The following CAMK4 variants were observed in gnomAD, a reference collection of about 807,000 sequenced individuals.
CAMK4 encodes calcium/calmodulin-dependent protein kinase type IV.
Under a neutral mutation model 44.9 loss-of-function variants are expected in CAMK4, and 22 were observed. That is an observed-to-expected ratio of 0.49 (90% confidence interval 0.35 to 0.70). The LOEUF (loss-of-function observed/expected upper bound fraction) is 0.70. Ranked by LOEUF, CAMK4 falls within the 30% of genes least tolerant of loss-of-function variation. CAMK4 has a pLI of 0.01. For synonymous variants in CAMK4, 218 were observed against 215.4 expected (o/e 1.01, Z -0.11); for missense variants, 498 against 586.8 (o/e 0.85, Z 1.56).
At chr5:111,227,090 C>T (rs569134641) in intron 1 of CAMK4, among the ~76,000 whole-genome samples, 1 of 152,218 alleles carries the variant, frequency 6.6e-6, no homozygotes, top group East Asian at 1.9e-4. Flanking sequence ...TGGCAGCATT[C>T]GTGGGGTGCA....
chr5:111,355,513 T>TA (rs70973604), intron 2 of CAMK4, among the ~76,000 whole-genome samples: 5 of 151,580 alleles, frequency 3.3e-5, no homozygotes, highest in African/African-American at 4.8e-5. Context: ...TTTATTTATT[T>TA]TATTATACTT....
At position 111,484,489 on chromosome 5, in the gene CAMK4, G is replaced by A. The variant is rs1289972120; in HGVS notation, c.*23G>A. On this transcript the variant is annotated 3_prime_UTR_variant, in exon 11 of 11. Coordinates refer to ENST00000282356, the MANE Select transcript of CAMK4 (RefSeq NM_001744.6). This position sits in a 1 kb window ranked among gnomAD's most constrained non-coding sequence, Gnocchi z 5.3. ...TAAACAGCTTCCTTCAGATCTGGAA[G>A]CCAAACACCGGCATTTTATGTACTT... 1 of 1,441,814 alleles carries A rather than the reference G, an allele frequency of 6.9e-7. No individual in the cohort carries two copies. The allele number at this position is 1,441,814 out of a possible 1,614,324, so 89.3% of individuals were successfully genotyped here.
chr5:111,339,130 C>T (rs1440982255), intron 1 of CAMK4, among the ~76,000 whole-genome samples: 1 of 151,164 alleles, frequency 6.6e-6, no homozygotes, highest in Non-Finnish European at 1.5e-5. Flanking sequence ...CATATTAACC[C>T]CTTATCAGAT....
In CAMK4 at chr5:111,296,914, T is replaced by A. The variant is rs1359330257; in HGVS notation, c.162-47110T>A. ...ATTTTAGACACAAATATGGCATGAATCAAGAAAATGGTTTTATGCACCGAA... is the reference window on the plus strand; with the variant it reads ...ATTTTAGACACAAATATGGCATGAAACAAGAAAATGGTTTTATGCACCGAA... On this transcript the variant is annotated intron_variant, in intron 1 of 10. Transcript: ENST00000282356. Among the ~76,000 whole-genome samples, 3 of 152,308 alleles carry A rather than the reference T, an allele frequency of 2.0e-5. No individual in the cohort carries two copies. In the East Asian group the frequency reaches 5.8e-4, roughly 29 times the overall value.
At chr5:111,236,045 ACT>A (rs1748701338) in intron 1 of CAMK4, among the ~76,000 whole-genome samples, 1 of 152,182 alleles carries the variant, frequency 6.6e-6, no homozygotes, top group Admixed American at 6.5e-5. Flanking sequence ...CCCGCACCTC[ACT>A]CAGCTTCATT....
At chr5:111,295,623 TG>T (rs1436791775) in intron 1 of CAMK4, among the ~76,000 whole-genome samples, 1 of 152,230 alleles carries the variant, frequency 6.6e-6, no homozygotes, top group African/African-American at 2.4e-5. Flanking sequence ...TTATGGCTCA[TG>T]GAACACATAA....
At chr5:111,457,226 A>G (rs1470632625) in intron 7 of CAMK4, among the ~76,000 whole-genome samples, 1 of 152,212 alleles carries the variant, frequency 6.6e-6, no homozygotes, top group East Asian at 1.9e-4. Context: ...AGAGTACTTT[A>G]TTAAAAATAA....
chr5:111,238,999 C>T (rs1382835267), intron 1 of CAMK4, among the ~76,000 whole-genome samples: 2 of 151,492 alleles, frequency 1.3e-5, no homozygotes, highest in Non-Finnish European at 1.5e-5. Flanking sequence ...TCAATGCCTG[C>T]CAGCTCCTGG....
chr5:111,409,952 C>T (rs1017541126), intron 5 of CAMK4, among the ~76,000 whole-genome samples: 4 of 152,130 alleles, frequency 2.6e-5, no homozygotes, highest in African/African-American at 9.7e-5. Context: ...CCAAACTTTC[C>T]CACATCTTCC....
intron 5 of CAMK4, among the ~76,000 whole-genome samples, chr5:111,401,099 G>A (rs1372357713): frequency 6.6e-6 from 1 of 152,092 alleles, no homozygotes; most frequent in African/African-American, 2.4e-5. Context: ...AGAGAAATTT[G>A]TACATATCGA....
chr5:111,473,332 G>C lies in CAMK4; in HGVS notation c.647G>C (p.Cys216Ser). 6.2e-7 allele frequency: 1 copy of C among 1,612,370 alleles called. No homozygotes were observed. ...GCAGCACCTGAAATTCTTAGAGGTT[G>C]TGCCTATGGACCTGAGGTGGACATG... The part of the protein sequence containing the change: ...GYCAPEILRG[C>S]AYGPEVDMWS... The change falls in exon 8 of 11, where the codon TGT becomes TCT. Residue 216 changes from cysteine (C) to serine (S), a missense_variant. By Grantham distance (112) the Cys-to-Ser change is moderately radical. Around this residue, in one of 3 missense-constraint regions of CAMK4, gnomAD observed 203 missense variants for 298.2 expected, o/e 0.68. Coordinates refer to ENST00000282356, the MANE Select transcript of CAMK4 (RefSeq NM_001744.6).
intron 5 of CAMK4, among the ~76,000 whole-genome samples, chr5:111,444,344 T>C (rs920333332): frequency 1.3e-5 from 2 of 152,176 alleles, no homozygotes; most frequent in Non-Finnish European, 2.9e-5. Context: ...GTATAAGGTA[T>C]TTAAAATAGA....
At chr5:111,443,304 ACACACACACACT>A (rs1753905141) in intron 5 of CAMK4, among the ~76,000 whole-genome samples, 1 of 136,594 alleles carries the variant, frequency 7.3e-6, no homozygotes, top group Non-Finnish European at 1.6e-5. Context: ...ACACACACAC[ACACACACACACT>A]ATATATATAT....
chr5:111,287,812 T>C (rs1751300969), intron 1 of CAMK4, among the ~76,000 whole-genome samples: 1 of 152,136 alleles, frequency 6.6e-6, no homozygotes, highest in Non-Finnish European at 1.5e-5. Context: ...AAAAACCCCA[T>C]AGCTATAGAA....
chr5:111,234,067 C>T (rs1269674648), intron 1 of CAMK4, among the ~76,000 whole-genome samples: 2 of 152,010 alleles, frequency 1.3e-5, no homozygotes, highest in Non-Finnish European at 1.5e-5. Flanking sequence ...TTAATAGGTA[C>T]GTTAGTGTAC....
intron 1 of CAMK4, among the ~76,000 whole-genome samples, chr5:111,263,529 T>C (rs755999238): frequency 2.6e-5 from 4 of 152,228 alleles, no homozygotes; most frequent in Non-Finnish European, 5.9e-5. Context: ...CTTATCATCA[T>C]TGCCATGTCC....
chr5:111,445,290 A>G (rs1753985821), intron 5 of CAMK4, among the ~76,000 whole-genome samples: 1 of 152,242 alleles, frequency 6.6e-6, no homozygotes, highest in Admixed American at 6.5e-5. Flanking sequence ...TAAGCCTTCA[A>G]AGATATTTTG....
intron 1 of CAMK4, among the ~76,000 whole-genome samples, chr5:111,273,679 A>ATC: frequency 3.7e-5 from 1 of 27,380 alleles, no homozygotes; most frequent in African/African-American, 2.2e-4. Context: ...AAATGCATTT[A>ATC]TATATATATA....
At chr5:111,320,110 T>C (rs1748597152) in intron 1 of CAMK4, among the ~76,000 whole-genome samples, 1 of 152,042 alleles carries the variant, frequency 6.6e-6, no homozygotes, top group Admixed American at 6.6e-5. Flanking sequence ...TTGGAGGAGG[T>C]GATGTAAACA....
Sources: gnomAD v4.1 joint callset for allele counts (sites outside exome capture counted in the v4.1 genomes callset) on GRCh38, gnomAD v4.1.1 for gene constraint, gnomAD v4.1.1 regional missense constraint, Gnocchi (gnomAD v3.1) non-coding constraint, MANE v1.5 for transcripts, NCBI Gene and HGNC (gene_info 2026-07-23, HGNC 2026-07-21) for gene names.